Variants in FNIP2 observed in about 807,000 individuals in gnomAD.
The protein encoded by FNIP2 is folliculin interacting protein 2.
A neutral mutation model predicts 108.7 loss-of-function variants in FNIP2; 32 were observed. That is an observed-to-expected ratio of 0.29 (90% confidence interval 0.22 to 0.40). The LOEUF is 0.40. Among genes scored for constraint, FNIP2 ranks in the 10% least tolerant of loss-of-function variants. The pLI, the probability that FNIP2 is intolerant of heterozygous loss-of-function variation, is 1.00. For missense variants in FNIP2, 1,202 were observed against 1,381.6 expected (o/e 0.87, Z 2.06); for synonymous variants, 480 against 496.7 (o/e 0.97, Z 0.45).
intron 7 of FNIP2, among the ~76,000 whole-genome samples, chr4:158,848,868 C>A (rs1044581353): frequency 6.6e-6 from 1 of 152,118 alleles, no homozygotes; most frequent in African/African-American, 2.4e-5. Flanking sequence ...GGCATGGGAG[C>A]CTTCAGAGAT....
intron 1 of FNIP2, among the ~76,000 whole-genome samples, chr4:158,797,275 A>C (rs533390628): frequency 6.6e-6 from 1 of 152,336 alleles, no homozygotes; most frequent in African/African-American, 2.4e-5. Context: ...TAACCTCTAC[A>C]TAGATTTCCT....
chr4:158,855,325 TTGTGA>T (rs1366186031), intron 8 of FNIP2, among the ~76,000 whole-genome samples: 1 of 152,130 alleles, frequency 6.6e-6, no homozygotes. Context: ...CCTGGGGCCC[TTGTGA>T]GAGGGGGGAC....
At position 158,835,472 on chromosome 4, in the gene FNIP2, A is replaced by G; in HGVS notation, c.723A>G (p.Arg241=). The G allele has an allele frequency of 6.2e-7, 1 of 1,611,852 alleles. No individual in the cohort carries two copies. Among genetic ancestry groups the G allele is most frequent in the South Asian group, 1.1e-5 (1 of 91,054 alleles). Residue 241 remains arginine, a synonymous_variant, in exon 7 of 17, where the codon CGA becomes CGG. Coordinates refer to ENST00000264433, the MANE Select transcript of FNIP2 (RefSeq NM_020840.3). ...QNEDRDSGIA[R]SASLSSLLIT... is the part of the protein sequence containing the mutation. Reference sequence around the variant, plus strand: ...AAGACAGGGACAGTGGCATTGCTCGATCAGGTACTTGTACTCTGTTTATTG... The same window carrying G: ...AAGACAGGGACAGTGGCATTGCTCGGTCAGGTACTTGTACTCTGTTTATTG...
intron 1 of FNIP2, among the ~76,000 whole-genome samples, chr4:158,779,798 G>A (rs1338151856): frequency 3.3e-5 from 5 of 149,276 alleles, no homozygotes; most frequent in South Asian, 2.1e-4. Context: ...GCCCAGCGTA[G>A]TCTTGAACTC....
intron 1 of FNIP2, chr4:158,806,042 T>G (rs1305070829): frequency 2.9e-6 from 2 of 697,328 alleles, no homozygotes; most frequent in African/African-American, 3.9e-5. Context: ...TGTTCCACCT[T>G]TTTTTTTTTT....
At chr4:158,822,294 C>T (rs1207647678) in intron 1 of FNIP2, among the ~76,000 whole-genome samples, 4 of 151,198 alleles carry the variant, frequency 2.6e-5, no homozygotes, top group African/African-American at 7.3e-5. Context: ...TCTACCACCT[C>T]AGCCTCCGCA....
chr4:158,854,821 G>A (rs1011106829), intron 8 of FNIP2, among the ~76,000 whole-genome samples: 3 of 152,170 alleles, frequency 2.0e-5, no homozygotes, highest in Non-Finnish European at 4.4e-5. Flanking sequence ...TCTCTGTATG[G>A]CATTCCTTCC....
Position 158,868,472 on chromosome 4 carries a change from T to C in FNIP2, c.1836T>C (p.Leu612=). 18 of 1,613,984 alleles carry C rather than the reference T, an allele frequency of 1.1e-5. No individual in the cohort carries two copies. The highest frequency in any genetic ancestry group is 1.5e-5 in the Non-Finnish European group (18 of 1,179,890). The change falls in exon 13 of 17, where the codon CTT becomes CTC. Residue 612 remains leucine (L), a synonymous_variant. Transcript: ENST00000264433. The surrounding 1 kb of genome is among the most constrained non-coding windows in gnomAD (Gnocchi z 4.6). ...GCACTGACAGTAGAGACCTGGGTCTTAAACCTGACAAAGAAGCTAACAGGA... is the reference window on the plus strand; with the variant it reads ...GCACTGACAGTAGAGACCTGGGTCTCAAACCTGACAAAGAAGCTAACAGGA... ...PEGTDSRDLG[L]KPDKEANRRP...
intron 1 of FNIP2, among the ~76,000 whole-genome samples, chr4:158,813,355 A>G (rs758275390): frequency 2.7e-4 from 41 of 152,234 alleles, no homozygotes; most frequent in Non-Finnish European, 5.1e-4. Context: ...TGGCATTGTC[A>G]GTGTTCCAGA....
At chr4:158,861,165 A>T (rs1045582857) in intron 10 of FNIP2, among the ~76,000 whole-genome samples, 177 bp from the exon 11 acceptor site, 1 of 152,266 alleles carries the variant, frequency 6.6e-6, no homozygotes, top group Non-Finnish European at 1.5e-5. Flanking sequence ...TTACAAAAAA[A>T]GGTGGCAGTC....
At chr4:158,777,535 G>T (rs1350272080) in intron 1 of FNIP2, among the ~76,000 whole-genome samples, 1 of 152,216 alleles carries the variant, frequency 6.6e-6, no homozygotes, top group African/African-American at 2.4e-5. Flanking sequence ...GTGTGAGGAG[G>T]TGAGCCATGA....
chr4:158,812,141 T>G (rs1777313495), intron 1 of FNIP2, among the ~76,000 whole-genome samples: 1 of 152,192 alleles, frequency 6.6e-6, no homozygotes, highest in Admixed American at 6.5e-5. Flanking sequence ...TCTTTCCCAC[T>G]GGACCTTGCT....
At chr4:158,770,566 T>C (rs1487892508) in intron 1 of FNIP2, among the ~76,000 whole-genome samples, 4 of 152,184 alleles carry the variant, frequency 2.6e-5, no homozygotes, top group Non-Finnish European at 4.4e-5. Context: ...TGTGTGTGTG[T>C]GCACGCGCGC....
rs145477626 is a variant in FNIP2, at chr4:158,785,382, C to T, written c.107+16063C>T. Among the ~76,000 whole-genome samples, 188 of 152,196 alleles carry T rather than the reference C, an allele frequency of 1.2e-3. 1 individual carries two copies. The Middle Eastern group carries it at 0.027, about 22-fold the overall frequency. ...TACAGGCATGAGCCACCGCGCCTGG[C>T]CCCTCTCTTTTTTAAAACATAAATT... On this transcript the variant is annotated intron_variant, in intron 1 of 16. Transcript: ENST00000264433.
At chr4:158,869,567 T>A in intron 13 of FNIP2, 139 bp downstream of exon 13, 1 of 1,233,014 alleles carries the variant, frequency 8.1e-7, no homozygotes, top group South Asian at 1.6e-5. Flanking sequence ...CTAGAAGTAT[T>A]ATTAATTCTA....
chr4:158,877,331 C>A (rs1025899706), intron 14 of FNIP2, among the ~76,000 whole-genome samples: 2 of 152,284 alleles, frequency 1.3e-5, no homozygotes, highest in South Asian at 2.1e-4. Context: ...CACTTTGAAC[C>A]CTTTCTTCTT....
intron 16 of FNIP2, among the ~76,000 whole-genome samples, chr4:158,902,109 C>T (rs1729349247): frequency 6.6e-6 from 1 of 151,998 alleles, no homozygotes. Flanking sequence ...CAGGTTTCTC[C>T]CCATCTTCAT....
At chr4:158,865,174 G>A (rs1032117500) in intron 12 of FNIP2, among the ~76,000 whole-genome samples, 4 of 151,840 alleles carry the variant, frequency 2.6e-5, no homozygotes, top group African/African-American at 9.7e-5. Context: ...ATTTTTAATT[G>A]AGGTAAAAAG....
chr4:158,875,539 T>C (rs181559242), intron 14 of FNIP2, among the ~76,000 whole-genome samples: 1 of 144,182 alleles, frequency 6.9e-6, no homozygotes, highest in South Asian at 2.1e-4. Context: ...TATATATATA[T>C]ATGCTCATGA....
Sources: allele counts gnomAD v4.1 joint callset (sites outside exome capture counted in the v4.1 genomes callset), GRCh38; gene constraint gnomAD v4.1.1; non-coding constraint Gnocchi (gnomAD v3.1); transcripts MANE v1.5; gene names NCBI Gene and HGNC (gene_info 2026-07-23, HGNC 2026-07-21).